The following PTPRD variants were observed in gnomAD, a reference collection of about 807,000 sequenced individuals.
PTPRD encodes the protein protein tyrosine phosphatase receptor type D, also known as receptor-type tyrosine-protein phosphatase delta.
A neutral mutation model predicts 214.5 loss-of-function variants in PTPRD; 34 were observed. The observed-to-expected ratio is 0.16, with a 90% CI of 0.12 to 0.21. The LOEUF is 0.21. Ranked by LOEUF, PTPRD falls within the 10% of genes least tolerant of loss-of-function variation. PTPRD has a pLI of 1.00. For synonymous variants in PTPRD, 1,128 were observed against 845.7 expected (o/e 1.33, Z -5.79); for missense variants, 2,545 against 2,398.7 (o/e 1.06, Z -1.27).
At chr9:10,057,540 T>C (rs1053322024) in intron 3 of PTPRD, among the ~76,000 whole-genome samples, 2 of 152,018 alleles carry the variant, frequency 1.3e-5, no homozygotes, top group African/African-American at 2.4e-5. Context: ...TCTTCGTAAG[T>C]TGCTTAATAT....
intron 7 of PTPRD, among the ~76,000 whole-genome samples, chr9:9,700,605 G>A (rs1362725731): frequency 6.6e-6 from 1 of 151,990 alleles, no homozygotes; most frequent in African/African-American, 2.4e-5. Context: ...TAAAGCAAAT[G>A]AAAGATCAGA....
intron 3 of PTPRD, among the ~76,000 whole-genome samples, chr9:10,333,488 G>C (rs2096789304): frequency 6.6e-6 from 1 of 151,954 alleles, no homozygotes; most frequent in East Asian, 1.9e-4. Flanking sequence ...CACAGAAACA[G>C]ATACCCTCAG....
At chr9:8,390,843 T>A in intron 36 of PTPRD, among the ~76,000 whole-genome samples, 1 of 152,168 alleles carries the variant, frequency 6.6e-6, no homozygotes, top group Non-Finnish European at 1.5e-5. Context: ...GGAATTGGGA[T>A]AAGAGCTGCC....
intron 8 of PTPRD, among the ~76,000 whole-genome samples, chr9:9,435,499 G>T (rs1333115): frequency 6.6e-6 from 1 of 151,884 alleles, no homozygotes; most frequent in Admixed American, 6.6e-5. Context: ...CTGGATGACA[G>T]AGCAAGACCC....
At chr9:9,371,387 AG>A (rs1400160263) in intron 9 of PTPRD, among the ~76,000 whole-genome samples, 2 of 152,134 alleles carry the variant, frequency 1.3e-5, no homozygotes, top group Admixed American at 6.6e-5. Context: ...TAGATTTTCT[AG>A]TTTATGTGCG....
intron 3 of PTPRD, among the ~76,000 whole-genome samples, chr9:10,094,656 T>G (rs2098465618): frequency 6.6e-6 from 1 of 150,828 alleles, no homozygotes; most frequent in Non-Finnish European, 1.5e-5. Flanking sequence ...ATATCTATAA[T>G]CATGTTTAGT....
chr9:8,595,418 G>A (rs1306395775), intron 14 of PTPRD, among the ~76,000 whole-genome samples: 1 of 152,104 alleles, frequency 6.6e-6, no homozygotes, highest in Admixed American at 6.6e-5. Flanking sequence ...ATGCCATACA[G>A]GGGCATTCAG....
chr9:8,690,506 G>T (rs981776189), intron 12 of PTPRD, among the ~76,000 whole-genome samples: 1 of 147,404 alleles, frequency 6.8e-6, no homozygotes, highest in African/African-American at 2.6e-5. Context: ...TCCAGTCTGG[G>T]CGACAGAGCA....
intron 3 of PTPRD, among the ~76,000 whole-genome samples, chr9:10,239,852 G>C (rs1019793320): frequency 6.6e-6 from 1 of 151,806 alleles, no homozygotes; most frequent in Non-Finnish European, 1.5e-5. Context: ...TCTCCCCTGA[G>C]GTAAGCCATA....
chr9:9,085,084 C>A (rs2154426719), intron 10 of PTPRD, among the ~76,000 whole-genome samples: 1 of 152,114 alleles, frequency 6.6e-6, no homozygotes, highest in Admixed American at 6.6e-5. Context: ...ATCATTATTT[C>A]ATTACAAAAC....
intron 2 of PTPRD, among the ~76,000 whole-genome samples, chr9:10,341,449 T>C (rs12551193): frequency 0.12 from 18,589 of 151,912 alleles, 1,573 homozygotes; most frequent in Admixed American, 0.25. Flanking sequence ...AAAGATAATA[T>C]AGCAAACAAA....
At chr9:9,005,763 T>C (rs751485745) in intron 11 of PTPRD, among the ~76,000 whole-genome samples, 2 of 152,054 alleles carry the variant, frequency 1.3e-5, no homozygotes, top group Non-Finnish European at 2.9e-5. Flanking sequence ...AGATCCTTTT[T>C]CTTTTCAGAC....
Position 8,640,226 on chromosome 9 carries a change from G to A in PTPRD, c.65-3382C>T, listed in dbSNP as rs910955365. Reference sequence around the variant, plus strand: ...TTACAAGTGTGAGCCATCACGACACGCAGAGAAGTTTTTGTGTAATATTGA... The same window carrying A: ...TTACAAGTGTGAGCCATCACGACACACAGAGAAGTTTTTGTGTAATATTGA... On this transcript the variant is annotated intron_variant, in intron 12 of 45. Coordinates refer to ENST00000381196, the MANE Select transcript of PTPRD (RefSeq NM_002839.4). Among the ~76,000 whole-genome samples, 10 of 152,124 alleles carry A rather than the reference G, an allele frequency of 6.6e-5. No individual in the cohort carries two copies. The East Asian group carries it at 1.2e-3, about 18-fold the overall frequency.
At chr9:9,461,708 A>G (rs183901197) in intron 8 of PTPRD, among the ~76,000 whole-genome samples, 1 of 152,132 alleles carries the variant, frequency 6.6e-6, no homozygotes, top group African/African-American at 2.4e-5. Flanking sequence ...AAAATTGTTC[A>G]TAACCTCTAT....
intron 7 of PTPRD, among the ~76,000 whole-genome samples, chr9:9,706,484 G>C (rs1324034624): frequency 6.6e-6 from 1 of 151,330 alleles, no homozygotes; most frequent in Non-Finnish European, 1.5e-5. Context: ...TGGTCTCACA[G>C]GCTGGAGTGC....
At position 8,904,316 on chromosome 9, in the gene PTPRD, A is replaced by T. The variant is rs937302800; in HGVS notation, c.-104+114381T>A. ...TGATGCTCTTATGTAATATATATCCATATTCAAATTTCCTGTAAAAATTGT... is the reference window on the plus strand; with the variant it reads ...TGATGCTCTTATGTAATATATATCCTTATTCAAATTTCCTGTAAAAATTGT... On this transcript the variant is annotated intron_variant, in intron 11 of 45. Coordinates refer to ENST00000381196, the MANE Select transcript of PTPRD (RefSeq NM_002839.4). Among the ~76,000 whole-genome samples the T allele has an allele frequency of 2.0e-5, 3 of 152,316 alleles. No homozygotes were observed. In the East Asian group the frequency reaches 5.8e-4, roughly 29 times the overall value.
intron 9 of PTPRD, among the ~76,000 whole-genome samples, chr9:9,255,049 C>T (rs1457897034): frequency 1.3e-5 from 2 of 151,990 alleles, no homozygotes; most frequent in Admixed American, 1.3e-4. Context: ...GAACAAAATA[C>T]AGTTCAGCTA....
chr9:9,316,738 T>C (rs904760199), intron 9 of PTPRD, among the ~76,000 whole-genome samples: 3 of 152,160 alleles, frequency 2.0e-5, no homozygotes, highest in African/African-American at 4.8e-5. Flanking sequence ...AAAATAACGA[T>C]ACATGAAATA....
chr9:9,279,961 G>A (rs1043170319), intron 9 of PTPRD, among the ~76,000 whole-genome samples: 11 of 151,188 alleles, frequency 7.3e-5, no homozygotes, highest in African/African-American at 2.4e-4. Flanking sequence ...TCAGGTTGTG[G>A]AAGCTCAAAA....
Sources: gnomAD v4.1 joint callset for allele counts (sites outside exome capture counted in the v4.1 genomes callset) on GRCh38, gnomAD v4.1.1 for gene constraint, MANE v1.5 for transcripts, NCBI Gene and HGNC (gene_info 2026-07-23, HGNC 2026-07-21) for gene names.